Variants in SAP130 observed in about 807,000 individuals in gnomAD.
SAP130 encodes Sin3A associated protein 130.
A neutral mutation model predicts 103.2 loss-of-function variants in SAP130; 16 were observed. The ratio of observed to expected loss-of-function variants is 0.16; its 90% confidence interval spans 0.10 to 0.24. SAP130 has a LOEUF of 0.24. Among genes scored for constraint, SAP130 ranks in the 10% least tolerant of loss-of-function variants. SAP130 has a pLI of 1.00. For missense variants in SAP130, 990 were observed against 1,359.7 expected (o/e 0.73, Z 4.28); for synonymous variants, 477 against 497.0 (o/e 0.96, Z 0.53).
intron 18 of SAP130, among the ~76,000 whole-genome samples, chr2:127,945,974 G>A (rs1679050589): frequency 6.6e-6 from 1 of 152,080 alleles, no homozygotes; most frequent in Admixed American, 6.6e-5. Flanking sequence ...TTTATTTGAG[G>A]TAATGGTTTC....
intron 14 of SAP130, among the ~76,000 whole-genome samples, chr2:127,984,414 C>T (rs1373004474): frequency 6.6e-6 from 1 of 152,226 alleles, no homozygotes; most frequent in East Asian, 1.9e-4. Flanking sequence ...TAGAGGTCCC[C>T]TCAGATATGT....
intron 6 of SAP130, among the ~76,000 whole-genome samples, chr2:128,010,989 A>G (rs1034955828): frequency 6.6e-6 from 1 of 151,440 alleles, no homozygotes; most frequent in Non-Finnish European, 1.5e-5. Context: ...TGAACAGTAC[A>G]TGAGTCCCTC....
intron 13 of SAP130, 60 bp from the exon 14 acceptor site, chr2:127,987,022 G>T: frequency 6.8e-7 from 1 of 1,464,250 alleles, no homozygotes; most frequent in Admixed American, 1.9e-5. Context: ...TGCCATAGAA[G>T]ACATAAATAA....
intron 10 of SAP130, among the ~76,000 whole-genome samples, chr2:127,998,021 G>C (rs1683290018): frequency 6.6e-6 from 1 of 151,804 alleles, no homozygotes; most frequent in Non-Finnish European, 1.5e-5. Context: ...GGCTGAGGCA[G>C]GAGAATTACT....
At chr2:127,997,313 T>C (rs191185215) in intron 10 of SAP130, among the ~76,000 whole-genome samples, 13 of 152,296 alleles carry the variant, frequency 8.5e-5, no homozygotes, top group Admixed American at 8.5e-4. Flanking sequence ...GCCTGGGAAT[T>C]CAGAAAGAAA....
Position 127,942,754 on chromosome 2 carries a change from C to T in SAP130, c.2902-217G>A, listed in dbSNP as rs369083106. On this transcript the variant is annotated intron_variant, in intron 19 of 20. Coordinates refer to ENST00000643581, the MANE Select transcript of SAP130 (RefSeq NM_001330301.2). The surrounding 1 kb of genome is among the most constrained non-coding windows in gnomAD (Gnocchi z 4.8). ...CTATAATCCCAGCACTTTGGGAGGTCGAGGCGGGTGGATCACCTGAGGTCC... is the reference window on the plus strand; with the variant it reads ...CTATAATCCCAGCACTTTGGGAGGTTGAGGCGGGTGGATCACCTGAGGTCC... Among the ~76,000 whole-genome samples the T allele has an allele frequency of 5.9e-5, 9 of 152,074 alleles. No homozygotes were observed. The highest frequency in any genetic ancestry group is 8.8e-5 in the Non-Finnish European group (6 of 68,010).
intron 8 of SAP130, 25 bp downstream of exon 8, chr2:128,000,282 G>C (rs1353971254): frequency 1.2e-6 from 2 of 1,613,964 alleles, no homozygotes; most frequent in Non-Finnish European, 8.5e-7. Flanking sequence ...AAAGTACACA[G>C]GTGGTTCTCC....
Position 127,942,442 on chromosome 2 carries a change from T to A in SAP130, c.2997A>T (p.Arg999=). The change falls in exon 20 of 21, where the codon CGA becomes CGT. Residue 999 remains arginine (R), a synonymous_variant. Coordinates refer to ENST00000643581, the MANE Select transcript of SAP130 (RefSeq NM_001330301.2). The surrounding 1 kb of genome is among the most constrained non-coding windows in gnomAD (Gnocchi z 4.8). ...CTCAAACCTGTATCAGTTCGTTTAT[T>A]CGGTGGAGATCATCATCTGTTGCTG... ...KKAATDDDLH[R]INELIQGNMQ... 3 of 1,612,908 alleles carry A rather than the reference T, an allele frequency of 1.9e-6. No individual in the cohort carries two copies. The highest frequency in any genetic ancestry group is 2.5e-6 in the Non-Finnish European group (3 of 1,178,836).
In SAP130 at chr2:127,941,783, G is replaced by T; in HGVS notation, c.*223C>A. The T allele has an allele frequency of 5.5e-6, 3 of 543,222 alleles. No individual in the cohort carries two copies. Among genetic ancestry groups the T allele is most frequent in the Non-Finnish European group, 9.7e-6 (3 of 310,652 alleles). The allele number at this position is 543,222 out of a possible 1,614,324, so 33.7% of individuals were successfully genotyped here. A position where few individuals can be genotyped will look rare whatever the true frequency, so the allele number is the denominator to read the frequency against. On this transcript the variant is annotated 3_prime_UTR_variant, in exon 21 of 21. Coordinates refer to ENST00000643581, the MANE Select transcript of SAP130 (RefSeq NM_001330301.2). ...CCGGAGTCACTTATGACACAGATCA[G>T]GTTTAACAGGGGTGCACCCGAACGC...
intron 4 of SAP130, among the ~76,000 whole-genome samples, chr2:128,015,863 CACGGGACG>C (rs1159871615): frequency 6.6e-6 from 1 of 150,488 alleles, no homozygotes; most frequent in Non-Finnish European, 1.5e-5. Context: ...ATGGCTCGAA[CACGGGACG>C]TGGACGTTGC....
chr2:127,982,488 T>C (rs190860850), intron 14 of SAP130, among the ~76,000 whole-genome samples: 1 of 152,314 alleles, frequency 6.6e-6, no homozygotes, highest in Admixed American at 6.5e-5. Flanking sequence ...GTCTTTTGAT[T>C]TTCTTTTTCT....
At chr2:127,948,806 C>T (rs560810057) in intron 18 of SAP130, among the ~76,000 whole-genome samples, 57 of 152,276 alleles carry the variant, frequency 3.7e-4, no homozygotes, top group African/African-American at 1.3e-3. Context: ...AACCTTTCAG[C>T]TGTCAAGTTA....
At chr2:127,984,712 C>T (rs1682245918) in intron 14 of SAP130, among the ~76,000 whole-genome samples, 1 of 152,142 alleles carries the variant, frequency 6.6e-6, no homozygotes, top group South Asian at 2.1e-4. Context: ...AAGTGTTCAG[C>T]ACTCCACACA....
intron 7 of SAP130, among the ~76,000 whole-genome samples, chr2:128,006,424 T>G (rs1683978286): frequency 6.6e-6 from 1 of 152,230 alleles, no homozygotes; most frequent in Non-Finnish European, 1.5e-5. Context: ...TTTCTATACC[T>G]TGAACCAATT....
At chr2:127,958,345 C>G (rs1363797749) in intron 15 of SAP130, among the ~76,000 whole-genome samples, 1 of 152,202 alleles carries the variant, frequency 6.6e-6, no homozygotes, top group Non-Finnish European at 1.5e-5. Context: ...ACCCAGGAGG[C>G]AGAGGTTACA....
At chr2:128,000,250 C>A (rs1282976065) in intron 8 of SAP130, 57 bp downstream of exon 8, 2 of 1,611,220 alleles carry the variant, frequency 1.2e-6, no homozygotes, top group African/African-American at 2.7e-5. Flanking sequence ...GCACATTTTG[C>A]CCACTTTTGG....
intron 2 of SAP130, among the ~76,000 whole-genome samples, chr2:128,021,155 A>G (rs1211679820): frequency 6.6e-6 from 1 of 151,962 alleles, no homozygotes; most frequent in African/African-American, 2.4e-5. Flanking sequence ...TGCTGGATGA[A>G]AAGAGTGATG....
chr2:127,968,418 T>C (rs1559051482), intron 15 of SAP130, among the ~76,000 whole-genome samples: 1 of 136,774 alleles, frequency 7.3e-6, no homozygotes, highest in African/African-American at 2.6e-5. Flanking sequence ...GAGTTGGTTT[T>C]TTTTTTTTTT....
chr2:127,996,211 G>T lies in SAP130; in HGVS notation c.1355+139C>A. 1.5e-6 allele frequency: 1 copy of T among 687,424 alleles called. No individual in the cohort carries two copies. Among genetic ancestry groups the T allele is most frequent in the Non-Finnish European group, 2.1e-6 (1 of 478,982 alleles). The allele number at this position is 687,424 out of a possible 1,614,324, so 42.6% of individuals were successfully genotyped here. ...TCGCACATAAAAAAAGGAATTATAC[G>T]AAGTGTTACTTTCAGGGGAAAATCT... On this transcript the variant is annotated intron_variant, in intron 11 of 20. Transcript: ENST00000643581. This position sits in a 1 kb window ranked among gnomAD's most constrained non-coding sequence, Gnocchi z 4.3.
Sources: gnomAD v4.1 joint callset for allele counts (sites outside exome capture counted in the v4.1 genomes callset) on GRCh38, gnomAD v4.1.1 for gene constraint, Gnocchi (gnomAD v3.1) non-coding constraint, MANE v1.5 for transcripts, NCBI Gene and HGNC (gene_info 2026-07-23, HGNC 2026-07-21) for gene names.